The following AKR1C3 variants were observed in gnomAD, a reference collection of about 807,000 sequenced individuals.
The protein encoded by AKR1C3 is 3-alpha hydroxysteroid dehydrogenase, type II.
A neutral mutation model predicts 43.6 loss-of-function variants in AKR1C3; 48 were observed. The ratio of observed to expected loss-of-function variants is 1.10; its 90% CI spans 0.87 to 1.40. The LOEUF is 1.40. Ranked by LOEUF, AKR1C3 falls within the 40% of genes most tolerant of loss-of-function variation. The pLI is 0.00. For missense variants in AKR1C3, 482 were observed against 391.2 expected, an observed-to-expected ratio of 1.23 and a Z score of -1.96; for synonymous variants, 162 against 139.6, an observed-to-expected ratio of 1.16 and a Z score of -1.13.
chr10:5,071,626 G>A (rs567323131), intron 1 of AKR1C3, among the ~76,000 whole-genome samples: 51 of 152,272 alleles, frequency 3.3e-4, no homozygotes, highest in Admixed American at 6.5e-4. Flanking sequence ...ACAGTTCAAG[G>A]CTACATCAAT....
intron 1 of AKR1C3, among the ~76,000 whole-genome samples, chr10:5,061,356 A>C (rs568260815): frequency 8.5e-5 from 13 of 152,128 alleles, no homozygotes; most frequent in Non-Finnish European, 1.5e-4. Flanking sequence ...AGTCTGGAGG[A>C]TGAGGGCTAT....
At chr10:5,063,252 A>G (rs1343420401) in intron 1 of AKR1C3, among the ~76,000 whole-genome samples, 3 of 152,204 alleles carry the variant, frequency 2.0e-5, no homozygotes, top group African/African-American at 7.2e-5. Flanking sequence ...GAAGTGGAAT[A>G]AAAACCTGGG....
intron 1 of AKR1C3, among the ~76,000 whole-genome samples, chr10:5,074,362 A>T (rs1172951545): frequency 1.3e-5 from 2 of 152,222 alleles, no homozygotes; most frequent in Non-Finnish European, 2.9e-5. Flanking sequence ...GTATTTTGAC[A>T]AATTTCAAGA....
chr10:5,063,765 C>CAAAAAA (rs71391987), intron 1 of AKR1C3, among the ~76,000 whole-genome samples: 734 of 46,242 alleles, frequency 0.016, 70 homozygotes, highest in African/African-American at 0.048. Flanking sequence ...TCTGTCTCAG[C>CAAAAAA]AAAAAAAAAA....
chr10:5,103,588 G>A (rs1839413803), intron 7 of AKR1C3, among the ~76,000 whole-genome samples: 1 of 152,096 alleles, frequency 6.6e-6, no homozygotes, highest in African/African-American at 2.4e-5. Flanking sequence ...AGATGTCAAT[G>A]GGACATTTGT....
At chr10:5,066,845 CTG>C (rs1838514758) in intron 1 of AKR1C3, among the ~76,000 whole-genome samples, 1 of 152,122 alleles carries the variant, frequency 6.6e-6, no homozygotes, top group South Asian at 2.1e-4. Flanking sequence ...AATTTAAAGT[CTG>C]TTGTTTAACT....
intron 7 of AKR1C3, 127 bp downstream of exon 7, chr10:5,102,777 C>T (rs12769666): frequency 0.24 from 355,728 of 1,493,508 alleles, 43,348 homozygotes; most frequent in Middle Eastern, 0.37. Context: ...GAATGCTTTG[C>T]GTGCATCCTG....
At chr10:5,087,712 CT>C (rs1293370713) in intron 1 of AKR1C3, among the ~76,000 whole-genome samples, 8 of 151,106 alleles carry the variant, frequency 5.3e-5, no homozygotes, top group African/African-American at 9.7e-5. Context: ...TTTGAATATT[CT>C]TTTTTTTTCT....
chr10:5,094,322 C>T (rs1389917035), upstream of AKR1C3: 27 of 1,088,662 alleles, frequency 2.5e-5, no homozygotes, highest in Admixed American at 3.5e-4. Context: ...CCTCCTCCTA[C>T]ATGCCATTGG....
chr10:5,103,848 G>A (rs1588360589), intron 7 of AKR1C3, among the ~76,000 whole-genome samples: 1 of 152,256 alleles, frequency 6.6e-6, no homozygotes, highest in South Asian at 2.1e-4. Context: ...AACCAAGCAA[G>A]TGGATACAGG....
rs782423378 is a variant in AKR1C3 at position 5,078,458 on chromosome 10, A to G, written c.85-17952A>G. ...GAATCTGTCTCAAATAATAATAACC[A>G]TAATCATAATCATAAAAGCGAGATA... On this transcript the variant is annotated intron_variant, in intron 1 of 8. Coordinates refer to the AKR1C3 transcript ENST00000439082. Among the ~76,000 whole-genome samples, 8 of 152,186 alleles carry G rather than the reference A, an allele frequency of 5.3e-5. No homozygotes were observed. In the South Asian group the frequency reaches 6.2e-4, roughly 12 times the overall value.
intron 1 of AKR1C3, among the ~76,000 whole-genome samples, chr10:5,084,267 A>C (rs1838907842): frequency 6.6e-6 from 1 of 151,648 alleles, no homozygotes; most frequent in South Asian, 2.1e-4. Flanking sequence ...GGTGTAAGGA[A>C]TGGATCCAGT....
intron 1 of AKR1C3, among the ~76,000 whole-genome samples, chr10:5,073,480 C>G (rs548761926): frequency 6.6e-6 from 1 of 152,062 alleles, no homozygotes; most frequent in African/African-American, 2.4e-5. Flanking sequence ...AACAACCCTC[C>G]CCTACACAGA....
upstream of AKR1C3, chr10:5,093,367 C>CTTAT (rs1839137589): frequency 6.6e-6 from 1 of 151,998 alleles, no homozygotes; most frequent in Non-Finnish European, 1.5e-5. Flanking sequence ...TAATAATTAA[C>CTTAT]TTATTTCTCA....
chr10:5,065,720 A>G (rs533824905), intron 1 of AKR1C3, among the ~76,000 whole-genome samples: 1 of 152,322 alleles, frequency 6.6e-6, no homozygotes, highest in South Asian at 2.1e-4. Flanking sequence ...AGGACAAAGT[A>G]AGGTTACGAA....
chr10:5,106,773 T>G, intron 8 of AKR1C3, among the ~76,000 whole-genome samples: 1 of 146,116 alleles, frequency 6.8e-6, no homozygotes, highest in African/African-American at 2.5e-5. Flanking sequence ...AAGCAGGAAG[T>G]TATGTAACTG....
chr10:5,072,547 C>T (rs1393351553), intron 1 of AKR1C3, among the ~76,000 whole-genome samples: 1 of 152,112 alleles, frequency 6.6e-6, no homozygotes, highest in African/African-American at 2.4e-5. Context: ...TGCAACCTGC[C>T]AGTGTTGTGT....
chr10:5,084,552 T>G (rs1158583624), intron 1 of AKR1C3, among the ~76,000 whole-genome samples: 2 of 152,148 alleles, frequency 1.3e-5, no homozygotes, highest in African/African-American at 4.8e-5. Flanking sequence ...ATTGACTTGG[T>G]GAGGCGGGCT....
At chr10:5,074,733 C>T (rs1055426316) in intron 1 of AKR1C3, among the ~76,000 whole-genome samples, 14 of 152,068 alleles carry the variant, frequency 9.2e-5, no homozygotes, top group African/African-American at 3.4e-4. Flanking sequence ...GAAAGGCTAC[C>T]CACCTCCCCC....
Sources: allele counts gnomAD v4.1 joint callset (sites outside exome capture counted in the v4.1 genomes callset), GRCh38; gene constraint gnomAD v4.1.1; transcripts MANE v1.5; gene names NCBI Gene and HGNC (gene_info 2026-07-23, HGNC 2026-07-21).